The following RTN4RL2 variants were observed in gnomAD, a reference collection of about 807,000 sequenced individuals.
RTN4RL2 encodes the protein reticulon 4 receptor like 2.
In RTN4RL2, 9 loss-of-function variants were observed where a neutral mutation model predicts 27.8. That is an observed-to-expected ratio of 0.32 (90% CI 0.20 to 0.57). RTN4RL2 has a LOEUF of 0.57. Among genes scored for constraint, RTN4RL2 ranks in the 20% least tolerant of loss-of-function variants. The pLI is 0.90. For synonymous variants in RTN4RL2, 285 were observed against 297.9 expected (o/e 0.96, Z 0.45); for missense variants, 436 against 596.8 (o/e 0.73, Z 2.81).
intron 2 of RTN4RL2, among the ~76,000 whole-genome samples, chr11:57,470,540 C>G (rs1406470537): frequency 1.3e-5 from 2 of 152,102 alleles, no homozygotes; most frequent in Non-Finnish European, 2.9e-5. Flanking sequence ...AGCCACCATG[C>G]CCAGCCAATA....
chr11:57,471,072 C>T (rs187111616), intron 2 of RTN4RL2, among the ~76,000 whole-genome samples: 12 of 152,040 alleles, frequency 7.9e-5, no homozygotes, highest in Admixed American at 2.0e-4. Context: ...CCTGTCTCTA[C>T]TAAAAATACA....
chr11:57,476,792 G>A lies in RTN4RL2; in HGVS notation c.1144G>A (p.Glu382Lys). 9 of 1,520,848 alleles carry A rather than the reference G, an allele frequency of 5.9e-6. No individual in the cohort carries two copies. The highest frequency in any genetic ancestry group is 7.9e-6 in the Non-Finnish European group (9 of 1,141,360). 94.2% of individuals were successfully genotyped at this position (1,520,848 alleles called of 1,614,324 possible). A position where few individuals can be genotyped will look rare whatever the true frequency, so the allele number is the denominator to read the frequency against. ...GGYGGEDQRG[E>K]QMCPGAACQA... ...CTACGGGGGTGAGGACCAGCGAGGG[G>A]AGCAGATGTGCCCCGGCGCTGCCTG... Residue 382 changes from glutamate to lysine, a missense_variant, in exon 3 of 3, where the codon GAG (glutamate) becomes AAG (lysine). By Grantham distance (56) the Glu-to-Lys change is moderately conservative. Coordinates refer to ENST00000335099, the MANE Select transcript of RTN4RL2 (RefSeq NM_178570.3). This position sits in a 1 kb window ranked among gnomAD's most constrained non-coding sequence, Gnocchi z 8.2.
chr11:57,464,175 AG>A (rs1196549808), intron 1 of RTN4RL2, among the ~76,000 whole-genome samples: 4 of 152,148 alleles, frequency 2.6e-5, no homozygotes, highest in African/African-American at 9.7e-5. Flanking sequence ...ACAAGATGGA[AG>A]GAGAGTGGGG....
chr11:57,468,929 C>T, intron 2 of RTN4RL2: 10 of 754,014 alleles, frequency 1.3e-5, no homozygotes, highest in Non-Finnish European at 2.3e-5. Context: ...CATCCCACTC[C>T]ATTTCCCCAG....
chr11:57,466,855 G>T (rs977809580), intron 1 of RTN4RL2, among the ~76,000 whole-genome samples: 3 of 152,224 alleles, frequency 2.0e-5, no homozygotes, highest in African/African-American at 7.2e-5. Flanking sequence ...TGGAGGCAGG[G>T]TGCTGCTGGC....
chr11:57,477,078 C>T lies in RTN4RL2; in HGVS notation c.*167C>T. 1 of 627,946 alleles carries T rather than the reference C, an allele frequency of 1.6e-6. No homozygotes were observed. 38.9% of individuals were successfully genotyped at this position (627,946 alleles called of 1,614,324 possible). ...CAGGCCGCCTCTCCTTGCCTGCCCCCTGGGCTGTCCTGACTTGTGGCAGCC... is the reference window on the plus strand; with the variant it reads ...CAGGCCGCCTCTCCTTGCCTGCCCCTTGGGCTGTCCTGACTTGTGGCAGCC... On this transcript the variant is annotated 3_prime_UTR_variant, in exon 3 of 3. Coordinates refer to ENST00000335099, the MANE Select transcript of RTN4RL2 (RefSeq NM_178570.3).
chr11:57,468,129 T>C (rs1943539745), intron 2 of RTN4RL2, 39 bp downstream of exon 2: 1 of 1,544,592 alleles, frequency 6.5e-7, no homozygotes, highest in Non-Finnish European at 8.7e-7. Context: ...CCCTTTCTGG[T>C]TTCCTCTCTC....
intron 1 of RTN4RL2, among the ~76,000 whole-genome samples, chr11:57,461,146 C>T (rs1487130959): frequency 1.3e-5 from 2 of 151,984 alleles, no homozygotes; most frequent in African/African-American, 2.4e-5. Flanking sequence ...GGACCCGGCC[C>T]GGAGCGGGGA....
rs1590734550 is a variant in RTN4RL2 at position 57,476,069 on chromosome 11, A to C, written c.514-93A>C. The C allele has an allele frequency of 2.5e-6, 3 of 1,211,122 alleles. No homozygotes were observed. Among genetic ancestry groups the C allele is most frequent in the Non-Finnish European group, 3.5e-6 (3 of 855,504 alleles). 75.0% of individuals were successfully genotyped at this position (1,211,122 alleles called of 1,614,324 possible). A position where few individuals can be genotyped will look rare whatever the true frequency, so the allele number is the denominator to read the frequency against. On this transcript the variant is annotated intron_variant, in intron 2 of 2. Transcript: ENST00000335099. This position sits in a 1 kb window ranked among gnomAD's most constrained non-coding sequence, Gnocchi z 8.2. Reference sequence around the variant, plus strand: ...AACCCTTTCTCTTCTGCCACGGTGCACCCCCTTCCCTCCCCCGGCCAAGGC... The same window carrying C: ...AACCCTTTCTCTTCTGCCACGGTGCCCCCCCTTCCCTCCCCCGGCCAAGGC...
In RTN4RL2 at chr11:57,476,938, G is replaced by A; in HGVS notation, c.*27G>A. ...TGCGGTGCTGAGATCGAAGAGGCCA[G>A]TGTCCGATCCCCGCTTCCCGTCCAC... On this transcript the variant is annotated 3_prime_UTR_variant, in exon 3 of 3. Transcript: ENST00000335099. The surrounding 1 kb of genome is among the most constrained non-coding windows in gnomAD (Gnocchi z 8.2). 11 of 1,527,350 alleles carry A rather than the reference G, an allele frequency of 7.2e-6. No homozygotes were observed. The highest frequency in any genetic ancestry group is 9.6e-6 in the Non-Finnish European group (11 of 1,147,574). 94.6% of individuals were successfully genotyped at this position (1,527,350 alleles called of 1,614,324 possible).
chr11:57,472,149 C>T (rs1943565978), intron 2 of RTN4RL2, among the ~76,000 whole-genome samples: 1 of 151,870 alleles, frequency 6.6e-6, no homozygotes, highest in Admixed American at 6.6e-5. Flanking sequence ...TGAGCCACCG[C>T]ACCCGCCGAC....
At chr11:57,466,164 C>G (rs59311719) in intron 1 of RTN4RL2, among the ~76,000 whole-genome samples, 2 of 151,500 alleles carry the variant, frequency 1.3e-5, no homozygotes. Context: ...CCATGCCCGG[C>G]TAAATTTTTT....
Position 57,477,036 on chromosome 11 carries a change from C to G in RTN4RL2, c.*125C>G. ...CTGCCTCCCTTTCCCCTCCCAGCTC[C>G]TCTCCTCCCCGGGGAGCAGGCCGCC... is the stretch of plus-strand genomic sequence containing the variant. On this transcript the variant is annotated 3_prime_UTR_variant, in exon 3 of 3. Coordinates refer to ENST00000335099, the MANE Select transcript of RTN4RL2 (RefSeq NM_178570.3). 1.0e-6 allele frequency: 1 copy of G among 995,522 alleles called. No homozygotes were observed. Among genetic ancestry groups the G allele is most frequent in the Non-Finnish European group, 1.4e-6 (1 of 713,596 alleles). 61.7% of individuals were successfully genotyped at this position (995,522 alleles called of 1,614,324 possible).
At chr11:57,461,787 AG>A (rs1005670060) in intron 1 of RTN4RL2, among the ~76,000 whole-genome samples, 2 of 151,996 alleles carry the variant, frequency 1.3e-5, no homozygotes, top group Non-Finnish European at 2.9e-5. Flanking sequence ...GATGGTGACT[AG>A]AGAAGGGGTA....
At chr11:57,462,928 C>T (rs867375012) in intron 1 of RTN4RL2, among the ~76,000 whole-genome samples, 4 of 152,226 alleles carry the variant, frequency 2.6e-5, no homozygotes, top group Admixed American at 1.3e-4. Flanking sequence ...CTTGCCTTGA[C>T]CCTGAATAGC....
intron 1 of RTN4RL2, among the ~76,000 whole-genome samples, 184 bp downstream of exon 1, chr11:57,461,080 G>A (rs1160394256): frequency 6.6e-6 from 1 of 152,172 alleles, no homozygotes; most frequent in African/African-American, 2.4e-5. Flanking sequence ...ACTTGGCTGG[G>A]AGCCCGCGGG....
At chr11:57,464,363 C>T (rs1050012297) in intron 1 of RTN4RL2, among the ~76,000 whole-genome samples, 1 of 152,174 alleles carries the variant, frequency 6.6e-6, no homozygotes, top group African/African-American at 2.4e-5. Context: ...CTCTGTCTCT[C>T]CTGGGGCAGC....
chr11:57,466,822 G>A (rs1943528964), intron 1 of RTN4RL2, among the ~76,000 whole-genome samples: 2 of 152,204 alleles, frequency 1.3e-5, no homozygotes, highest in Admixed American at 1.3e-4. Context: ...GGCAATGTCT[G>A]GAGACATTTT....
In RTN4RL2 at chr11:57,467,239, C is replaced by A. The variant is rs1028215503; in HGVS notation, c.32-370C>A. ...TCTATTTTTTCCCCTGAAACAGGGT[C>A]TTGTTGTGTTGCCCAGGCTGGAGTG... On this transcript the variant is annotated intron_variant, in intron 1 of 2. Coordinates refer to ENST00000335099, the MANE Select transcript of RTN4RL2 (RefSeq NM_178570.3). The surrounding 1 kb of genome is among the most constrained non-coding windows in gnomAD (Gnocchi z 5.5). Among the ~76,000 whole-genome samples, 2 of 152,140 alleles carry A rather than the reference C, an allele frequency of 1.3e-5. No homozygotes were observed. The highest frequency in any genetic ancestry group is 4.8e-5 in the African/African-American group (2 of 41,420).
Sources: gnomAD v4.1 joint callset for allele counts (sites outside exome capture counted in the v4.1 genomes callset) on GRCh38, gnomAD v4.1.1 for gene constraint, Gnocchi (gnomAD v3.1) non-coding constraint, MANE v1.5 for transcripts, NCBI Gene and HGNC (gene_info 2026-07-23, HGNC 2026-07-21) for gene names.